Variants in ADGRA1 observed in about 807,000 individuals in gnomAD.
ADGRA1 encodes adhesion G protein-coupled receptor A1, also known as G-protein coupled receptor 123.
In ADGRA1, 12 loss-of-function variants were observed where a neutral mutation model predicts 21.3. That is an observed-to-expected ratio of 0.56 (90% confidence interval 0.36 to 0.91). The LOEUF is 0.91. Among genes scored for constraint, ADGRA1 ranks in the 40% least tolerant of loss-of-function variants. The pLI, the probability that ADGRA1 is intolerant of heterozygous loss-of-function variation, is 0.01. For missense variants in ADGRA1, 790 were observed against 805.6 expected (o/e 0.98, Z 0.23); for synonymous variants, 385 against 368.8 (o/e 1.04, Z -0.50).
At position 133,125,505 on chromosome 10, in the gene ADGRA1, A is replaced by G. The variant is rs1591189437; in HGVS notation, c.402-1728A>G. ...GTGGCGCGATCTCGGCTCACTGCAA[A>G]CCCCGCCTCCTGGGTTCACGCCATT... On this transcript the variant is annotated intron_variant, in intron 5 of 6. Transcript: ENST00000392607. 2.6e-5 allele frequency among the ~76,000 whole-genome samples: 4 copies of G among 151,376 alleles called. No homozygotes were observed. The South Asian group carries it at 8.4e-4, about 32-fold the overall frequency.
At position 133,088,188 on chromosome 10, in the gene ADGRA1, G is replaced by A. The variant is rs1471505587; in HGVS notation, c.-203+50G>A. On this transcript the variant is annotated intron_variant, in intron 1 of 6. Transcript: ENST00000392607. ...CGGCGGGAGGGACGCGCGGGGCCGC[G>A]GCTCGGCAGAAAAGCTCGCGCCCCG... is the stretch of plus-strand genomic sequence containing the variant. The A allele has an allele frequency of 5.7e-6, 5 of 875,688 alleles. No homozygotes were observed. In the South Asian group the frequency reaches 2.1e-4, roughly 37 times the overall value. The allele number at this position is 875,688 out of a possible 1,614,324, so 54.2% of individuals were successfully genotyped here.
intron 5 of ADGRA1, among the ~76,000 whole-genome samples, chr10:133,109,163 A>T (rs1176633349): frequency 2.2e-5 from 3 of 139,420 alleles, no homozygotes. Flanking sequence ...CTGCTCTCCC[A>T]GCATTCGTGT....
chr10:133,099,065 A>G (rs1851741355), intron 4 of ADGRA1, among the ~76,000 whole-genome samples: 1 of 151,866 alleles, frequency 6.6e-6, no homozygotes, highest in South Asian at 2.1e-4. Flanking sequence ...TGCTGGGGGG[A>G]CACAGCCCGC....
rs141152951 is a variant in ADGRA1, at chr10:133,128,422, C to T, written c.594C>T (p.Tyr198=). Residue 198 remains tyrosine, a synonymous_variant, in exon 7 of 7, where the codon TAC becomes TAT. Coordinates refer to ENST00000392607, the MANE Select transcript of ADGRA1 (RefSeq NM_001083909.3). ...CCTGTGTGTACTTCCTGGGCACCTA[C>T]GTGCAGCTGCGGCGCCACCCAGGGC... ...LVTCVYFLGT[Y]VQLRRHPGRR... The T allele has an allele frequency of 1.2e-4, 198 of 1,606,564 alleles. No individual in the cohort carries two copies. In the African/African-American group the frequency reaches 1.9e-3, roughly 15 times the overall value.
chr10:133,128,136 A>C, intron 6 of ADGRA1, among the ~76,000 whole-genome samples, 193 bp from the exon 7 acceptor site: 1 of 132,668 alleles, frequency 7.5e-6, no homozygotes, highest in African/African-American at 2.9e-5. Context: ...CCCACCTCCC[A>C]AGCTGGTAGG....
Position 133,123,719 on chromosome 10 carries a change from C to T in ADGRA1, c.402-3514C>T, listed in dbSNP as rs185332503. ...TGTGGGGAGGACTGCCTCCCTCCCC[C>T]CCCCCGGCACCTTCTGGGGCTGCCT... On this transcript the variant is annotated intron_variant, in intron 5 of 6. Transcript: ENST00000392607. 2.1e-3 allele frequency among the ~76,000 whole-genome samples: 322 copies of T among 152,104 alleles called. 1 individual carries two copies. Among genetic ancestry groups the T allele is most frequent in the Non-Finnish European group, 4.0e-3 (273 of 67,918 alleles).
At chr10:133,092,799 G>GGA (rs1851620569) in intron 2 of ADGRA1, among the ~76,000 whole-genome samples, 6 of 97,002 alleles carry the variant, frequency 6.2e-5, no homozygotes, top group African/African-American at 2.2e-4. Context: ...GGAAGGAAGA[G>GGA]AGGGAGGGAA....
chr10:133,129,280 C>G lies in ADGRA1; in HGVS notation c.1452C>G (p.Pro484=), dbSNP rs368349750. 3.5e-4 allele frequency: 543 copies of G among 1,550,604 alleles called. 4 individuals carry two copies. In the African/African-American group the frequency reaches 6.7e-3, roughly 19 times the overall value. The part of the protein sequence containing the change: ...QGDPFPMVTQ[P]EGSDGSPALY... ...ACCCCTTCCCCATGGTCACCCAGCC[C>G]GAGGGCAGTGATGGGAGCCCTGCCC... is the stretch of plus-strand genomic sequence containing the variant. The change falls in exon 7 of 7, where the codon CCC becomes CCG. Residue 484 remains proline (P), a synonymous_variant. Coordinates refer to ENST00000392607, the MANE Select transcript of ADGRA1 (RefSeq NM_001083909.3).
chr10:133,122,334 T>G (rs1223883381), intron 5 of ADGRA1, among the ~76,000 whole-genome samples: 1 of 152,198 alleles, frequency 6.6e-6, no homozygotes, highest in Non-Finnish European at 1.5e-5. Context: ...CCTCGCCCCG[T>G]TTCCCCGTGT....
chr10:133,123,169 C>G (rs1196809461), intron 5 of ADGRA1, among the ~76,000 whole-genome samples: 1 of 152,232 alleles, frequency 6.6e-6, no homozygotes, highest in East Asian at 1.9e-4. Flanking sequence ...ACAAGCCCAT[C>G]CCTGGCAGGG....
chr10:133,127,082 GTC>G lies in ADGRA1; in HGVS notation c.402-150_402-149del. ...CTGGCTGCTCGGTCAGTGGTCGGGG[GTC>G]GGGGGTCGGGGGTCGGGGTTCTTGG... On this transcript the variant is annotated intron_variant, in intron 5 of 6. Transcript: ENST00000392607. 75 of 468,472 alleles carry G rather than the reference GTC, an allele frequency of 1.6e-4. 2 individuals are homozygous for G. The highest frequency in any genetic ancestry group is 9.1e-4 in the South Asian group (25 of 27,516). The allele number at this position is 468,472 out of a possible 1,614,324, so 29.0% of individuals were successfully genotyped here. A position where few individuals can be genotyped will look rare whatever the true frequency, so the allele number is the denominator to read the frequency against.
chr10:133,102,851 T>G lies in ADGRA1; in HGVS notation c.401+9T>G. ...AGGCAGCCCCTGCTCAGGTACTGAG[T>G]GCACATGGGCGCGAGGCCCCGCCAC... On this transcript the variant is annotated intron_variant, in intron 5 of 6. Coordinates refer to ENST00000392607, the MANE Select transcript of ADGRA1 (RefSeq NM_001083909.3). The G allele has an allele frequency of 6.3e-7, 1 of 1,599,434 alleles. No homozygotes were observed. The highest frequency in any genetic ancestry group is 8.6e-7 in the Non-Finnish European group (1 of 1,168,810).
rs1366054677 is a variant in ADGRA1 at position 133,129,288 on chromosome 10, G to A, written c.1460G>A (p.Ser487Asn). ...CCCATGGTCACCCAGCCCGAGGGCA[G>A]TGATGGGAGCCCTGCCCTCTACAGC... The part of the protein sequence containing the change: ...PFPMVTQPEG[S>N]DGSPALYSCP... Residue 487 changes from serine (S) to asparagine (N), a missense_variant, in exon 7 of 7, where the codon AGT (serine) becomes AAT (asparagine). By Grantham distance (46) the Ser-to-Asn change is conservative (BLOSUM62 1). This residue lies in a region of ADGRA1 where 391 missense variants were observed against 351.5 expected (regional missense o/e 1.11). Coordinates refer to ENST00000392607, the MANE Select transcript of ADGRA1 (RefSeq NM_001083909.3). The A allele has an allele frequency of 6.4e-7, 1 of 1,551,580 alleles. No homozygotes were observed. The highest frequency in any genetic ancestry group is 1.2e-5 in the South Asian group (1 of 84,416).
At chr10:133,102,966 G>A (rs948655182) in intron 5 of ADGRA1, 124 bp downstream of exon 5, 33 of 1,083,114 alleles carry the variant, frequency 3.0e-5, no homozygotes, top group Admixed American at 1.2e-4. Context: ...GGTCCATGGG[G>A]GAGGGTCAGT....
chr10:133,128,272 G>A, intron 6 of ADGRA1, 57 bp from the exon 7 acceptor site: 2 of 1,347,774 alleles, frequency 1.5e-6, no homozygotes, highest in Non-Finnish European at 9.9e-7. Context: ...TCTGCAGGGG[G>A]CGTCCTGAGT....
At chr10:133,089,177 A>G in intron 2 of ADGRA1, 1 of 541,214 alleles carries the variant, frequency 1.8e-6, no homozygotes, top group Non-Finnish European at 2.8e-6. Context: ...CATTTAATCA[A>G]TGGAGGCGAC....
chr10:133,122,081 T>C (rs955576900), intron 5 of ADGRA1, among the ~76,000 whole-genome samples: 3 of 152,200 alleles, frequency 2.0e-5, no homozygotes, highest in African/African-American at 7.2e-5. Context: ...CATGCAAGCA[T>C]ACGTGTGTGC....
rs747887267 is a variant in ADGRA1 at position 133,128,714 on chromosome 10, G to A, written c.886G>A (p.Val296Met). 2 of 1,612,136 alleles carry A rather than the reference G, an allele frequency of 1.2e-6. No individual in the cohort carries two copies. The highest frequency in any genetic ancestry group is 8.5e-7 in the Non-Finnish European group (1 of 1,179,646). ...CAGCTGCCTGTACGGCGCCTTCTGC[G>A]TGACCCTGGGACTCTTCGTGCTCAT... Reference protein sequence around the residue: ...VFSCLYGAFCVTLGLFVLIHH... With the variant: ...VFSCLYGAFCMTLGLFVLIHH... The change falls in exon 7 of 7, where the codon GTG becomes ATG. Residue 296 changes from valine (V) to methionine (M), a missense_variant. Transcript: ENST00000392607.
intron 2 of ADGRA1, among the ~76,000 whole-genome samples, chr10:133,091,337 G>A (rs1358654840): frequency 6.6e-6 from 1 of 152,192 alleles, no homozygotes; most frequent in Non-Finnish European, 1.5e-5. Context: ...CTGGTGCAGT[G>A]TGGTTGCCGT....
Sources: allele counts gnomAD v4.1 joint callset (sites outside exome capture counted in the v4.1 genomes callset), GRCh38; gene constraint gnomAD v4.1.1; regional missense constraint gnomAD v4.1.1; transcripts MANE v1.5; gene names NCBI Gene and HGNC (gene_info 2026-07-23, HGNC 2026-07-21).